The following PRKAG2 variants were observed in gnomAD, a reference collection of about 807,000 sequenced individuals.
The protein encoded by PRKAG2 is protein kinase AMP-activated non-catalytic subunit gamma 2.
PRKAG2 carries 26 observed loss-of-function variants against 69.6 expected under a neutral mutation model. The observed-to-expected ratio is 0.37, with a 90% CI of 0.27 to 0.52. The LOEUF (loss-of-function observed/expected upper bound fraction) is 0.52, where lower values mean the gene tolerates loss of function less well. Ranked by LOEUF, PRKAG2 falls within the 20% of genes least tolerant of loss-of-function variation. The probability of loss-of-function intolerance (pLI) is 0.90; values close to 1 mark genes in which losing one functional copy is unlikely to be tolerated. For missense variants in PRKAG2, 557 were observed against 740.0 expected (o/e 0.75, Z 2.87); for synonymous variants, 293 against 285.0 (o/e 1.03, Z -0.28).
intron 3 of PRKAG2, among the ~76,000 whole-genome samples, chr7:151,712,155 G>A (rs1322020584): frequency 1.3e-5 from 2 of 152,224 alleles, no homozygotes; most frequent in Non-Finnish European, 2.9e-5. Context: ...ATGACTGGGC[G>A]GCTCAGTGTG....
intron 5 of PRKAG2, among the ~76,000 whole-genome samples, chr7:151,599,834 A>G (rs556287294): frequency 6.6e-6 from 1 of 152,134 alleles, no homozygotes; most frequent in South Asian, 2.1e-4. Flanking sequence ...GGGACCCCTG[A>G]CCTATAAGAC....
rs747100034 is a variant in PRKAG2, at chr7:151,632,152, G to A, written c.685-14C>T. On this transcript the variant is annotated splice_polypyrimidine_tract_variant and intron_variant, in intron 4 of 15. Coordinates refer to ENST00000287878, the MANE Select transcript of PRKAG2 (RefSeq NM_016203.4). The surrounding 1 kb of genome is among the most constrained non-coding windows in gnomAD (Gnocchi z 4.2). ...CGCCAGCGCCGCCTGAGGGGGAGGA[G>A]GAGGACAGCGATCAGCATGAGCTGC... 3 of 1,383,458 alleles carry A rather than the reference G, an allele frequency of 2.2e-6. No homozygotes were observed. The highest frequency in any genetic ancestry group is 1.9e-6 in the Non-Finnish European group (2 of 1,055,130). The allele number at this position is 1,383,458 out of a possible 1,614,324, so 85.7% of individuals were successfully genotyped here.
chr7:151,711,783 G>A (rs909887710), intron 3 of PRKAG2, among the ~76,000 whole-genome samples: 1 of 152,174 alleles, frequency 6.6e-6, no homozygotes, highest in Admixed American at 6.5e-5. Flanking sequence ...GGTTACTCTC[G>A]GATATGCAGG....
chr7:151,735,950 T>C (rs1165801233), intron 3 of PRKAG2: 1 of 1,536,364 alleles, frequency 6.5e-7, no homozygotes, highest in Admixed American at 2.0e-5. Flanking sequence ...TCGATTTTGG[T>C]CCTTGTGTTT....
intron 1 of PRKAG2, among the ~76,000 whole-genome samples, chr7:151,792,552 C>T (rs761892556): frequency 3.3e-5 from 5 of 152,222 alleles, no homozygotes; most frequent in Non-Finnish European, 5.9e-5. Context: ...GATGCAGTTC[C>T]GACCTTCCAG....
intron 5 of PRKAG2, among the ~76,000 whole-genome samples, chr7:151,610,515 G>T (rs1818534370): frequency 6.6e-6 from 1 of 151,754 alleles, no homozygotes; most frequent in Non-Finnish European, 1.5e-5. Context: ...TGTGTCAACT[G>T]AAAATACAAA....
intron 3 of PRKAG2, among the ~76,000 whole-genome samples, chr7:151,779,394 T>A (rs532781129): frequency 6.6e-6 from 1 of 152,154 alleles, no homozygotes; most frequent in South Asian, 2.1e-4. Flanking sequence ...CCTCCTCCTC[T>A]CCCCGCTCCT....
chr7:151,866,563 C>T (rs901265560), intron 1 of PRKAG2, among the ~76,000 whole-genome samples: 3 of 152,116 alleles, frequency 2.0e-5, no homozygotes, highest in Admixed American at 6.5e-5. Flanking sequence ...GAATATTGAT[C>T]GGTCATCAGC....
chr7:151,726,349 T>G (rs1240712982), intron 3 of PRKAG2, among the ~76,000 whole-genome samples: 1 of 148,048 alleles, frequency 6.8e-6, no homozygotes, highest in Non-Finnish European at 1.5e-5. Context: ...AGCACCTGCT[T>G]ACAGAATCAC....
intron 5 of PRKAG2, among the ~76,000 whole-genome samples, chr7:151,629,434 GAT>G (rs1823840870): frequency 6.6e-6 from 1 of 152,186 alleles, no homozygotes; most frequent in Admixed American, 6.5e-5. Context: ...GCACCTGTCG[GAT>G]ATACGGACAG....
chr7:151,673,423 C>G (rs894674050), intron 4 of PRKAG2, among the ~76,000 whole-genome samples: 1 of 152,094 alleles, frequency 6.6e-6, no homozygotes, highest in Non-Finnish European at 1.5e-5. Context: ...AGCGGTTTTC[C>G]GTTTCTCCCT....
intron 6 of PRKAG2, among the ~76,000 whole-genome samples, chr7:151,581,705 G>C (rs1810509470): frequency 6.6e-6 from 1 of 151,252 alleles, no homozygotes; most frequent in African/African-American, 2.5e-5. Context: ...AGATTTAATG[G>C]ACATTTTTAC....
intron 3 of PRKAG2, among the ~76,000 whole-genome samples, chr7:151,683,331 G>A (rs1325925025): frequency 6.6e-6 from 1 of 152,174 alleles, no homozygotes; most frequent in Non-Finnish European, 1.5e-5. Flanking sequence ...ACAGAGGCCT[G>A]GCCCTCAGAA....
chr7:151,690,476 A>T (rs1230321378), intron 3 of PRKAG2, among the ~76,000 whole-genome samples: 1 of 152,182 alleles, frequency 6.6e-6, no homozygotes, highest in Non-Finnish European at 1.5e-5. Context: ...TTCTTGGTCA[A>T]TCTGCAGAAG....
intron 1 of PRKAG2, among the ~76,000 whole-genome samples, chr7:151,813,147 T>C (rs983450716): frequency 4.6e-5 from 7 of 152,114 alleles, no homozygotes; most frequent in African/African-American, 1.7e-4. Context: ...CCCCTCTCAC[T>C]TACTCTCAAC....
rs188646914 is a variant in PRKAG2, at chr7:151,754,230, C to A, written c.466+26922G>T. Reference sequence around the variant, plus strand: ...CAGCCTGGACACAGGATGTGCAGGCCAGCCCTGGCTGGGGACGTCTTCCAG... The same window carrying A: ...CAGCCTGGACACAGGATGTGCAGGCAAGCCCTGGCTGGGGACGTCTTCCAG... On this transcript the variant is annotated intron_variant, in intron 3 of 15. Transcript: ENST00000287878. Among the ~76,000 whole-genome samples, 673 of 152,356 alleles carry A rather than the reference C, an allele frequency of 4.4e-3. 8 individuals are homozygous for A. The highest frequency in any genetic ancestry group is 0.015 in the African/African-American group (626 of 41,596).
At chr7:151,573,142 G>GA (rs143962207) in intron 8 of PRKAG2, among the ~76,000 whole-genome samples, 21,532 of 148,376 alleles carry the variant, frequency 0.15, 1,666 homozygotes, top group African/African-American at 0.18. Context: ...GAGATATAGA[G>GA]AAAAAAATGT....
At chr7:151,629,941 G>C (rs1364371246) in intron 5 of PRKAG2, among the ~76,000 whole-genome samples, 1 of 152,052 alleles carries the variant, frequency 6.6e-6, no homozygotes, top group Non-Finnish European at 1.5e-5. Context: ...CAATTTTCCT[G>C]TATTTTGGAT....
intron 1 of PRKAG2, among the ~76,000 whole-genome samples, chr7:151,852,848 C>T (rs1043174951): frequency 7.2e-5 from 11 of 152,218 alleles, no homozygotes; most frequent in African/African-American, 2.7e-4. Context: ...GGCCCCGCCT[C>T]TCTCCTATCT....
Sources: gnomAD v4.1 joint callset for allele counts (sites outside exome capture counted in the v4.1 genomes callset) on GRCh38, gnomAD v4.1.1 for gene constraint, Gnocchi (gnomAD v3.1) non-coding constraint, MANE v1.5 for transcripts, NCBI Gene and HGNC (gene_info 2026-07-23, HGNC 2026-07-21) for gene names.